FBXO38: variants seen among roughly 807,000 people sequenced by gnomAD.
FBXO38 encodes F-box protein 38.
Under a neutral mutation model 131.9 loss-of-function variants are expected in FBXO38, and 53 were observed. The ratio of observed to expected loss-of-function variants is 0.40; its 90% CI spans 0.32 to 0.51. The LOEUF (loss-of-function observed/expected upper bound fraction) is 0.51, where lower values mean the gene tolerates loss of function less well. Ranked by LOEUF, FBXO38 falls within the 20% of genes least tolerant of loss-of-function variation. The probability of loss-of-function intolerance (pLI) is 0.53; values close to 1 mark genes in which losing one functional copy is unlikely to be tolerated. For missense variants in FBXO38, 1,076 were observed against 1,475.6 expected (o/e 0.73, Z 4.44); for synonymous variants, 452 against 505.6 (o/e 0.89, Z 1.42).
At chr5:148,386,366 CCT>C (rs1379364466) in intron 1 of FBXO38, among the ~76,000 whole-genome samples, 1 of 152,152 alleles carries the variant, frequency 6.6e-6, no homozygotes, top group Non-Finnish European at 1.5e-5. Flanking sequence ...GTCACCTTAT[CCT>C]CTCTGGTTCT....
At position 148,401,994 on chromosome 5, in the gene FBXO38, C is replaced by T. The variant is rs1554078505; in HGVS notation, c.275C>T (p.Ala92Val). ...WEYMPSGFTD[A>V]SFLTLLKKMP... Reference sequence around the variant, plus strand: ...CTGAACTTCTCAGGCTTTACAGATGCCAGTTTTCTAACACTATTAAAGAAG... The same window carrying T: ...CTGAACTTCTCAGGCTTTACAGATGTCAGTTTTCTAACACTATTAAAGAAG... The change falls in exon 4 of 22, where the codon GCC (alanine) becomes GTC (valine). Residue 92 changes from alanine (A) to valine (V), a missense_variant. Physicochemically the swap from Ala to Val is moderately conservative, Grantham distance 64. Transcript: ENST00000340253. The T allele has an allele frequency of 6.2e-7, 1 of 1,608,450 alleles. No individual in the cohort carries two copies. Among genetic ancestry groups the T allele is most frequent in the Non-Finnish European group, 8.5e-7 (1 of 1,175,740 alleles).
intron 9 of FBXO38, chr5:148,413,880 C>T: frequency 3.1e-6 from 1 of 319,498 alleles, no homozygotes; most frequent in Non-Finnish European, 5.7e-6. Flanking sequence ...TGCCTTTTCT[C>T]TTCTCTAAAC....
At chr5:148,401,393 A>G (rs978467566) in intron 3 of FBXO38, among the ~76,000 whole-genome samples, 2 of 152,182 alleles carry the variant, frequency 1.3e-5, no homozygotes, top group African/African-American at 2.4e-5. Context: ...GCTAACTTGC[A>G]TCTGTCTTTT....
Position 148,402,029 on chromosome 5 carries a change from G to A in FBXO38, c.310G>A (p.Val104Ile), listed in dbSNP as rs889667327. 1 of 1,613,198 alleles carries A rather than the reference G, an allele frequency of 6.2e-7. No homozygotes were observed. Among genetic ancestry groups the A allele is most frequent in the Admixed American group, 1.7e-5 (1 of 59,980 alleles). ...FLTLLKKMPD[V>I]EQLYGLHPRY... is the part of the protein sequence containing the mutation. ...AACACTATTAAAGAAGATGCCAGAT[G>A]TTGAACAGCTATATGGCCTTCACCC... The change falls in exon 4 of 22, where the codon GTT becomes ATT. Residue 104 changes from valine (V) to isoleucine (I), a missense_variant. Physicochemically the swap from Val to Ile is conservative, Grantham distance 29. Around this residue, in one of 8 missense-constraint regions of FBXO38, gnomAD observed 96 missense variants for 193.9 expected, o/e 0.50. Transcript: ENST00000340253.
At chr5:148,410,325 T>G (rs1169586163) in intron 8 of FBXO38, 1 of 333,898 alleles carries the variant, frequency 3.0e-6, no homozygotes, top group Non-Finnish European at 5.5e-6. Flanking sequence ...TAAGTCTCAC[T>G]AGATCCAATG....
chr5:148,442,505 A>G lies in FBXO38; in HGVS notation c.*358A>G, dbSNP rs144335098. Reference sequence around the variant, plus strand: ...TCTTAATGATTATTGTCATCCCTTTAAATCTGTGCCTTTTTCTTCTTGAGC... The same window carrying G: ...TCTTAATGATTATTGTCATCCCTTTGAATCTGTGCCTTTTTCTTCTTGAGC... On this transcript the variant is annotated 3_prime_UTR_variant, in exon 22 of 22. Transcript: ENST00000340253. 2.2e-4 allele frequency: 35 copies of G among 162,172 alleles called. No individual in the cohort carries two copies. The East Asian group carries it at 6.0e-3, about 28-fold the overall frequency. The allele number at this position is 162,172 out of a possible 1,614,324, so 10.0% of individuals were successfully genotyped here. A position where few individuals can be genotyped will look rare whatever the true frequency, so the allele number is the denominator to read the frequency against.
At chr5:148,416,894 ATATT>A in intron 11 of FBXO38, 96 bp from the exon 12 acceptor site, 3 of 710,324 alleles carry the variant, frequency 4.2e-6, no homozygotes, top group South Asian at 3.3e-5. Context: ...TACTATATAA[ATATT>A]AGTTATAATG....
Position 148,439,759 on chromosome 5 carries a change from G to A in FBXO38, c.3137G>A (p.Arg1046His), listed in dbSNP as rs145142109. 2 of 1,613,988 alleles carry A rather than the reference G, an allele frequency of 1.2e-6. No individual in the cohort carries two copies. Among genetic ancestry groups the A allele is most frequent in the Non-Finnish European group, 8.5e-7 (1 of 1,179,896 alleles). The stretch of plus-strand genomic sequence containing the variant: ...AATGTCCGGAATAAGGTGCGCATTC[G>A]CAGCTGGATGGACACTATAGCAAAC... Reference protein sequence around the residue: ...PPNVRNKVRIRSWMDTIANIN... With the variant: ...PPNVRNKVRIHSWMDTIANIN... Residue 1046 changes from arginine to histidine, a missense_variant, in exon 19 of 22, where the codon CGC (arginine) becomes CAC (histidine). Physicochemically the swap from Arg to His is conservative, Grantham distance 29 (BLOSUM62 0). Around this residue, in one of 8 missense-constraint regions of FBXO38, gnomAD observed 282 missense variants for 418.8 expected, o/e 0.67. Coordinates refer to ENST00000340253, the MANE Select transcript of FBXO38 (RefSeq NM_205836.3).
chr5:148,391,642 T>G (rs1266182537), intron 1 of FBXO38, among the ~76,000 whole-genome samples: 1 of 152,228 alleles, frequency 6.6e-6, no homozygotes, highest in Non-Finnish European at 1.5e-5. Context: ...AAGATAAGAT[T>G]GGAACATCTG....
At chr5:148,396,763 G>T (rs933002229) in intron 2 of FBXO38, among the ~76,000 whole-genome samples, 1 of 152,060 alleles carries the variant, frequency 6.6e-6, no homozygotes. Flanking sequence ...ACACCACTGC[G>T]CTTGGCTAAT....
chr5:148,421,500 C>A (rs1350035981), intron 12 of FBXO38, among the ~76,000 whole-genome samples: 6 of 152,084 alleles, frequency 3.9e-5, no homozygotes, highest in African/African-American at 1.4e-4. Context: ...AATTTCACTG[C>A]ATAAAAATTA....
At chr5:148,405,468 G>A (rs1378597750) in intron 6 of FBXO38, among the ~76,000 whole-genome samples, 6 of 151,956 alleles carry the variant, frequency 3.9e-5, no homozygotes, top group South Asian at 2.1e-4. Flanking sequence ...ATTGGACACC[G>A]CTGCACTAGA....
intron 3 of FBXO38, among the ~76,000 whole-genome samples, chr5:148,399,727 A>G (rs995230142): frequency 6.6e-6 from 1 of 152,172 alleles, no homozygotes; most frequent in Non-Finnish European, 1.5e-5. Flanking sequence ...GGCTTTAGCT[A>G]AGCAAAGCAT....
chr5:148,402,190 A>G, intron 4 of FBXO38, 45 bp downstream of exon 4: 1 of 1,580,436 alleles, frequency 6.3e-7, no homozygotes, highest in African/African-American at 1.4e-5. Context: ...TGTTTATGAA[A>G]TAATAGACCA....
chr5:148,394,944 T>A (rs1049304335), intron 2 of FBXO38, 40 bp downstream of exon 2: 1 of 1,529,726 alleles, frequency 6.5e-7, no homozygotes. Flanking sequence ...CTGGAATGGA[T>A]AAGAGCAAAC....
chr5:148,437,390 C>G (rs1272994116), intron 17 of FBXO38, among the ~76,000 whole-genome samples: 2 of 152,220 alleles, frequency 1.3e-5, no homozygotes, highest in Non-Finnish European at 2.9e-5. Flanking sequence ...CCCCTTCTTT[C>G]CACCAAGTCA....
intron 1 of FBXO38, among the ~76,000 whole-genome samples, chr5:148,385,410 G>A (rs1757859197): frequency 6.6e-6 from 1 of 152,036 alleles, no homozygotes; most frequent in African/African-American, 2.4e-5. Context: ...TAAAATTGGT[G>A]GTATACTAAA....
intron 11 of FBXO38, among the ~76,000 whole-genome samples, chr5:148,416,423 T>C (rs1291118766): frequency 2.0e-5 from 3 of 152,208 alleles, no homozygotes; most frequent in African/African-American, 7.2e-5. Flanking sequence ...AGATTAAATC[T>C]AATTAGGAAT....
chr5:148,429,933 AT>A (rs910094926), intron 15 of FBXO38, among the ~76,000 whole-genome samples: 4 of 151,578 alleles, frequency 2.6e-5, no homozygotes, highest in African/African-American at 7.3e-5. Context: ...TTATTATGTG[AT>A]TTTTTTCAAT....
Sources: gnomAD v4.1 joint callset for allele counts (sites outside exome capture counted in the v4.1 genomes callset) on GRCh38, gnomAD v4.1.1 for gene constraint, gnomAD v4.1.1 regional missense constraint, MANE v1.5 for transcripts, NCBI Gene and HGNC (gene_info 2026-07-23, HGNC 2026-07-21) for gene names.